ANKAR: variants seen among roughly 807,000 people sequenced by gnomAD.
ANKAR encodes ankyrin and armadillo repeat-containing protein.
A neutral mutation model predicts 146.2 loss-of-function variants in ANKAR; 136 were observed. The ratio of observed to expected loss-of-function variants is 0.93; its 90% confidence interval spans 0.81 to 1.07. The LOEUF (loss-of-function observed/expected upper bound fraction) is 1.07, where lower values mean the gene tolerates loss of function less well. ANKAR is among the 50% of genes least tolerant of loss of function. The pLI, the probability that ANKAR is intolerant of heterozygous loss-of-function variation, is 0.00. For missense variants in ANKAR, 1,567 were observed against 1,679.9 expected, an observed-to-expected ratio of 0.93 and a Z score of 1.18; for synonymous variants, 500 against 575.8, an observed-to-expected ratio of 0.87 and a Z score of 1.88.
downstream of ANKAR, among the ~76,000 whole-genome samples, chr2:189,751,326 G>A (rs1422684552): frequency 6.6e-6 from 1 of 152,068 alleles, no homozygotes; most frequent in African/African-American, 2.4e-5. Flanking sequence ...CTGAGACAAG[G>A]TATCAAAGGG....
Position 189,743,175 on chromosome 2 carries a change from C to T in ANKAR, c.3811-100C>T, listed in dbSNP as rs1351964120. The T allele has an allele frequency of 4.3e-6, 5 of 1,162,856 alleles. No individual in the cohort carries two copies. The African/African-American group carries it at 7.8e-5, about 18-fold the overall frequency. The allele number at this position is 1,162,856 out of a possible 1,614,324, so 72.0% of individuals were successfully genotyped here. On this transcript the variant is annotated intron_variant, in intron 20 of 22. Transcript: ENST00000684021. ...CATACATATTTGCTTACACTTGCTC[C>T]CTCCCTTACAGAGACTTTCCTATGA...
At chr2:189,677,371 A>G (rs957092257) in intron 2 of ANKAR, among the ~76,000 whole-genome samples, 3 of 151,926 alleles carry the variant, frequency 2.0e-5, no homozygotes, top group African/African-American at 7.3e-5. Flanking sequence ...GATTTCTGAG[A>G]TTTTGGTGCA....
chr2:189,721,148 C>T (rs896079955), intron 12 of ANKAR, among the ~76,000 whole-genome samples: 8 of 151,890 alleles, frequency 5.3e-5, no homozygotes, highest in Non-Finnish European at 8.8e-5. Flanking sequence ...CCACCACGTC[C>T]GGCTAATTTT....
intron 15 of ANKAR, 68 bp downstream of exon 15, chr2:189,728,889 A>C: frequency 2.1e-6 from 3 of 1,455,986 alleles, no homozygotes; most frequent in South Asian, 2.6e-5. Flanking sequence ...AGAGAAGTGG[A>C]AATTAATCTC....
At position 189,743,443 on chromosome 2, in the gene ANKAR, C is replaced by T. The variant is rs2043648804; in HGVS notation, c.3979C>T (p.Gln1327Ter). 1 of 1,613,800 alleles carries T rather than the reference C, an allele frequency of 6.2e-7. No homozygotes were observed. Among genetic ancestry groups the T allele is most frequent in the Non-Finnish European group, 8.5e-7 (1 of 1,179,870 alleles). ...AGCATTTTTAAAGGAATTTCAAATG[C>T]AACAAACACTGGTGGGACTTCCTTC... is the stretch of plus-strand genomic sequence containing the variant. ...NPAFLKEFQM[Q>*]QTLVGLPSLS... The change falls in exon 21 of 23, where the codon CAA becomes TAA. Residue 1327 changes from glutamine (Q) to a stop codon, truncating the protein, a stop_gained. Coordinates refer to ENST00000684021, the MANE Select transcript of ANKAR (RefSeq NM_001378068.1). LOFTEE classifies it high-confidence loss of function.
downstream of ANKAR, among the ~76,000 whole-genome samples, chr2:189,748,564 A>G (rs945993234): frequency 2.0e-5 from 3 of 152,226 alleles, no homozygotes; most frequent in African/African-American, 7.2e-5. Flanking sequence ...CTTCATATTT[A>G]CTTCTAAATT....
chr2:189,697,505 A>G (rs1254607284), intron 7 of ANKAR, among the ~76,000 whole-genome samples: 1 of 152,162 alleles, frequency 6.6e-6, no homozygotes, highest in African/African-American at 2.4e-5. Flanking sequence ...CGTATTGAAT[A>G]TCCATAAATT....
At chr2:189,734,010 C>A (rs2042625917) in intron 17 of ANKAR, among the ~76,000 whole-genome samples, 1 of 151,964 alleles carries the variant, frequency 6.6e-6, no homozygotes. Context: ...ATAGAATATC[C>A]CTCAATTTGA....
intron 12 of ANKAR, among the ~76,000 whole-genome samples, chr2:189,726,818 A>G (rs1397992151): frequency 6.6e-6 from 1 of 152,190 alleles, no homozygotes; most frequent in African/African-American, 2.4e-5. Flanking sequence ...AAAGAGATAA[A>G]AGGCCACGAT....
At chr2:189,696,115 T>C in intron 6 of ANKAR, 35 bp from the exon 7 acceptor site, 2 of 1,601,828 alleles carry the variant, frequency 1.2e-6, no homozygotes, top group Non-Finnish European at 1.7e-6. Flanking sequence ...TTTAGGTGCA[T>C]TTTGATAAAC....
chr2:189,728,432 T>C lies in ANKAR; in HGVS notation c.3031+12T>C. The C allele has an allele frequency of 6.4e-7, 1 of 1,571,700 alleles. No individual in the cohort carries two copies. Among genetic ancestry groups the C allele is most frequent in the Non-Finnish European group, 8.6e-7 (1 of 1,166,466 alleles). ...AATGCAGTATGTTGGTAAGTTATTTTCCTTATTTTATTTTTATTTTTTAGA... is the reference window on the plus strand; with the variant it reads ...AATGCAGTATGTTGGTAAGTTATTTCCCTTATTTTATTTTTATTTTTTAGA... On this transcript the variant is annotated intron_variant, in intron 14 of 22. Transcript: ENST00000684021.
chr2:189,712,919 A>G (rs1490866525), intron 10 of ANKAR, among the ~76,000 whole-genome samples: 3 of 152,216 alleles, frequency 2.0e-5, no homozygotes, highest in African/African-American at 7.2e-5. Flanking sequence ...CAGTGTAGAG[A>G]AGACCTTAAA....
intron 10 of ANKAR, among the ~76,000 whole-genome samples, chr2:189,712,682 G>A (rs1323200539): frequency 6.6e-6 from 1 of 152,214 alleles, no homozygotes; most frequent in African/African-American, 2.4e-5. Flanking sequence ...GAGCAGAAAA[G>A]CTGAAAATTC....
intron 12 of ANKAR, among the ~76,000 whole-genome samples, chr2:189,723,342 A>G (rs1193736836): frequency 6.6e-6 from 1 of 152,160 alleles, no homozygotes; most frequent in East Asian, 1.9e-4. Context: ...TCTTATATAC[A>G]TATATTCATG....
At chr2:189,681,931 T>C (rs1024624284) in intron 2 of ANKAR, among the ~76,000 whole-genome samples, 1 of 152,226 alleles carries the variant, frequency 6.6e-6, no homozygotes, top group African/African-American at 2.4e-5. Flanking sequence ...TTATCTCTAC[T>C]GCAACACTGT....
At chr2:189,694,739 C>T (rs930457515) in intron 5 of ANKAR, among the ~76,000 whole-genome samples, 13 of 152,062 alleles carry the variant, frequency 8.5e-5, no homozygotes, top group African/African-American at 2.9e-4. Context: ...TTAGACATTG[C>T]CCCAGATCAC....
At chr2:189,679,863 T>C (rs1475203839) in intron 2 of ANKAR, among the ~76,000 whole-genome samples, 1 of 152,240 alleles carries the variant, frequency 6.6e-6, no homozygotes, top group Non-Finnish European at 1.5e-5. Context: ...TAGTATTTTC[T>C]TGAGGATTTT....
chr2:189,717,972 G>A (rs2040714696), intron 10 of ANKAR, among the ~76,000 whole-genome samples: 1 of 152,116 alleles, frequency 6.6e-6, no homozygotes, highest in African/African-American at 2.4e-5. Flanking sequence ...AGCATTAGGA[G>A]AAACACCTAG....
intron 18 of ANKAR, chr2:189,755,552 C>A (rs775557271): frequency 1.3e-6 from 2 of 1,584,082 alleles, no homozygotes; most frequent in East Asian, 2.2e-5. Context: ...AGGAACAATC[C>A]CACCTGTTCT....
Sources: allele counts gnomAD v4.1 joint callset (sites outside exome capture counted in the v4.1 genomes callset), GRCh38; gene constraint gnomAD v4.1.1; transcripts MANE v1.5; gene names NCBI Gene and HGNC (gene_info 2026-07-23, HGNC 2026-07-21).